Variants in PDE8B observed in about 807,000 individuals in gnomAD.
PDE8B encodes high affinity cAMP-specific and IBMX-insensitive 3',5'-cyclic phosphodiesterase 8B.
PDE8B carries 26 observed loss-of-function variants against 101.3 expected under a neutral mutation model. That is an observed-to-expected ratio of 0.26 (90% CI 0.19 to 0.36). The LOEUF is 0.36. PDE8B is among the 10% of genes least tolerant of loss of function. The pLI is 1.00. For missense variants in PDE8B, 810 were observed against 1,163.1 expected, an observed-to-expected ratio of 0.70 and a Z score of 4.42; for synonymous variants, 424 against 429.3, an observed-to-expected ratio of 0.99 and a Z score of 0.15.
At chr5:77,131,700 C>T in the PDE8B span, among the ~76,000 whole-genome samples, 4 of 152,060 alleles carry the variant, frequency 2.6e-5, no homozygotes, top group East Asian at 1.9e-4. Flanking sequence ...CAAAATTGTG[C>T]GTTTATTTAG....
the PDE8B span, among the ~76,000 whole-genome samples, chr5:77,172,297 G>C: frequency 1.3e-5 from 2 of 152,164 alleles, no homozygotes; most frequent in Non-Finnish European, 2.9e-5. Context: ...ACATTTGTCT[G>C]AATAACCTGA....
intron 1 of PDE8B, among the ~76,000 whole-genome samples, chr5:77,260,441 A>C (rs1760298815): frequency 6.6e-6 from 1 of 152,218 alleles, no homozygotes; most frequent in Non-Finnish European, 1.5e-5. Flanking sequence ...TACTTCTGAA[A>C]ACTTTTATGT....
the PDE8B span, among the ~76,000 whole-genome samples, chr5:77,132,934 C>T: frequency 1.4e-3 from 211 of 152,316 alleles, 1 homozygote; most frequent in African/African-American, 4.9e-3. Context: ...CAATTTCACT[C>T]AGAATTTGGA....
chr5:77,389,727 C>T (rs371424023), intron 10 of PDE8B, among the ~76,000 whole-genome samples: 3 of 152,120 alleles, frequency 2.0e-5, no homozygotes, highest in Non-Finnish European at 4.4e-5. Context: ...TATACTGTCA[C>T]GGTTGGCTTC....
chr5:77,211,307 C>G lies in PDE8B; in HGVS notation c.339+43C>G. 6.6e-7 allele frequency: 1 copy of G among 1,512,476 alleles called. No individual in the cohort carries two copies. Among genetic ancestry groups the G allele is most frequent in the East Asian group, 2.6e-5 (1 of 38,342 alleles). 93.7% of individuals were successfully genotyped at this position (1,512,476 alleles called of 1,614,324 possible). On this transcript the variant is annotated intron_variant, in intron 1 of 21. Coordinates refer to ENST00000264917, the MANE Select transcript of PDE8B (RefSeq NM_003719.5). The surrounding 1 kb of genome is among the most constrained non-coding windows in gnomAD (Gnocchi z 4.1). ...GCACACGCCGTGGGGGCCGTCCGCCCCGTCGGCGGGGCTCGCACGGGTAGG... is the reference window on the plus strand; with the variant it reads ...GCACACGCCGTGGGGGCCGTCCGCCGCGTCGGCGGGGCTCGCACGGGTAGG...
intron 1 of PDE8B, among the ~76,000 whole-genome samples, chr5:77,289,742 C>T (rs1421140234): frequency 1.3e-5 from 2 of 152,214 alleles, no homozygotes; most frequent in African/African-American, 2.4e-5. Context: ...AGGCCAGTGT[C>T]TGGAACAGCA....
intron 2 of PDE8B, among the ~76,000 whole-genome samples, chr5:77,325,169 A>G (rs1296261541): frequency 7.0e-5 from 4 of 56,828 alleles, no homozygotes; most frequent in Non-Finnish European, 1.3e-4. Context: ...TTTTGGGGGG[A>G]TTGTTTTGGC....
intron 1 of PDE8B, among the ~76,000 whole-genome samples, chr5:77,302,341 C>A (rs1770153381): frequency 1.3e-5 from 2 of 152,196 alleles, no homozygotes; most frequent in Admixed American, 1.3e-4. Flanking sequence ...AGTAGCACTT[C>A]TTAAGAAAGA....
intron 7 of PDE8B, among the ~76,000 whole-genome samples, chr5:77,348,405 C>G (rs1297774760): frequency 3.3e-5 from 5 of 152,114 alleles, no homozygotes; most frequent in African/African-American, 1.2e-4. Flanking sequence ...CTCTAAATTC[C>G]AGGACCCCAG....
the PDE8B span, among the ~76,000 whole-genome samples, chr5:77,179,988 T>C: frequency 6.6e-6 from 1 of 152,140 alleles, no homozygotes; most frequent in Non-Finnish European, 1.5e-5. Context: ...GTGTATATGA[T>C]TGTGAGTTGA....
At chr5:77,339,144 G>C (rs1230234996) in intron 6 of PDE8B, among the ~76,000 whole-genome samples, 1 of 152,146 alleles carries the variant, frequency 6.6e-6, no homozygotes, top group Non-Finnish European at 1.5e-5. Context: ...ACTTTTTAAG[G>C]TCTTATCAGA....
chr5:77,364,536 T>C (rs745844746), intron 10 of PDE8B, among the ~76,000 whole-genome samples: 1 of 152,208 alleles, frequency 6.6e-6, no homozygotes, highest in African/African-American at 2.4e-5. Context: ...CCTGGTTTGC[T>C]GAAGGCTAGG....
At chr5:77,151,198 T>C in the PDE8B span, 1 of 152,290 alleles carries the variant, frequency 6.6e-6, no homozygotes, top group Non-Finnish European at 1.5e-5. Flanking sequence ...TCATTCATTC[T>C]GTCTCTTTCT....
intron 12 of PDE8B, among the ~76,000 whole-genome samples, chr5:77,406,154 C>T (rs940975002): frequency 5.3e-5 from 8 of 152,164 alleles, no homozygotes; most frequent in Non-Finnish European, 8.8e-5. Flanking sequence ...GGTGTGATGA[C>T]GCATGCCTTA....
the PDE8B span, chr5:77,113,112 A>G: frequency 6.6e-6 from 1 of 152,232 alleles, no homozygotes; most frequent in Non-Finnish European, 1.5e-5. Flanking sequence ...TATAGATTCA[A>G]TGCTAGCTAT....
In PDE8B at chr5:77,291,698, C is replaced by T. The variant is rs1767385638; in HGVS notation, c.340-20296C>T. On this transcript the variant is annotated intron_variant, in intron 1 of 21. Transcript: ENST00000264917. ...GAGGAGAAAAGCACACTGGTGGTGG[C>T]AGGGAATCTGGCAGTGATGCCTGGA... 3.8e-6 allele frequency: 6 copies of T among 1,594,256 alleles called. No homozygotes were observed. In the Admixed American group the frequency reaches 1.0e-4, roughly 27 times the overall value.
the PDE8B span, among the ~76,000 whole-genome samples, chr5:77,168,195 T>A: frequency 1.3e-5 from 2 of 152,240 alleles, no homozygotes; most frequent in East Asian, 3.9e-4. Context: ...CCCTCTCCCC[T>A]TGAATTACTA....
At chr5:77,167,327 T>A in the PDE8B span, among the ~76,000 whole-genome samples, 9 of 152,334 alleles carry the variant, frequency 5.9e-5, 1 homozygote, top group South Asian at 1.0e-3. Flanking sequence ...ACCATGTCTG[T>A]TTTTGGCTTT....
At chr5:77,247,540 G>T (rs1037070578) in intron 1 of PDE8B, among the ~76,000 whole-genome samples, 1 of 152,158 alleles carries the variant, frequency 6.6e-6, no homozygotes, top group Non-Finnish European at 1.5e-5. Flanking sequence ...GGGCCTGGCT[G>T]CTCTGCATGT....
Sources: gnomAD v4.1 joint callset for allele counts (sites outside exome capture counted in the v4.1 genomes callset) on GRCh38, gnomAD v4.1.1 for gene constraint, Gnocchi (gnomAD v3.1) non-coding constraint, MANE v1.5 for transcripts, NCBI Gene and HGNC (gene_info 2026-07-23, HGNC 2026-07-21) for gene names.